RBFOX1: variants seen among roughly 807,000 people sequenced by gnomAD.
RBFOX1 encodes the protein RNA binding fox-1 homolog 1, also known as RNA binding protein fox-1 homolog 1.
RBFOX1 carries 8 observed loss-of-function variants against 57.7 expected under a neutral mutation model. That is an observed-to-expected ratio of 0.14 (90% CI 0.08 to 0.25). The LOEUF is 0.25. RBFOX1 is among the 10% of genes least tolerant of loss of function. RBFOX1 has a pLI of 1.00. For missense variants in RBFOX1, 611 were observed against 548.5 expected, an observed-to-expected ratio of 1.11 and a Z score of -1.14; for synonymous variants, 326 against 222.4, an observed-to-expected ratio of 1.47 and a Z score of -4.15.
chr16:6,482,256 C>A (rs1250098491), intron 2 of RBFOX1, among the ~76,000 whole-genome samples: 2 of 152,138 alleles, frequency 1.3e-5, no homozygotes, highest in Non-Finnish European at 2.9e-5. Flanking sequence ...TAGATCCTTC[C>A]TGTTTAAATA....
chr16:6,864,542 TTCC>T (rs1472477856), intron 3 of RBFOX1, among the ~76,000 whole-genome samples: 2 of 145,724 alleles, frequency 1.4e-5, no homozygotes, highest in African/African-American at 2.6e-5. Context: ...TATTCTCTCC[TTCC>T]TCTTTTTTTT....
At chr16:6,819,300 G>T (rs2090794511) in intron 3 of RBFOX1, among the ~76,000 whole-genome samples, 1 of 152,150 alleles carries the variant, frequency 6.6e-6, no homozygotes, top group South Asian at 2.1e-4. Flanking sequence ...TACATAGCAG[G>T]TGCTCACTTA....
At chr16:7,629,412 G>T (rs574775579) in intron 10 of RBFOX1, among the ~76,000 whole-genome samples, 1 of 152,134 alleles carries the variant, frequency 6.6e-6, no homozygotes, top group East Asian at 1.9e-4. Context: ...TGTTCTGCGG[G>T]TGCACTTGTA....
chr16:6,032,658 C>T (rs180685024), intron 1 of RBFOX1, among the ~76,000 whole-genome samples: 1 of 152,010 alleles, frequency 6.6e-6, no homozygotes, highest in African/African-American at 2.4e-5. Context: ...GTGCCCTTGC[C>T]ATTTGATTTT....
intron 4 of RBFOX1, among the ~76,000 whole-genome samples, chr16:7,380,445 T>C (rs1009012689): frequency 6.6e-6 from 1 of 152,238 alleles, no homozygotes; most frequent in African/African-American, 2.4e-5. Flanking sequence ...AAAAATAGTG[T>C]ACAGGCTTTT....
chr16:6,231,239 G>GGT (rs1555566197), intron 1 of RBFOX1, among the ~76,000 whole-genome samples: 4,301 of 149,298 alleles, frequency 0.029, 199 homozygotes, highest in African/African-American at 0.096. Flanking sequence ...TGTGTGTGTA[G>GGT]GTGTGTGTGT....
intron 1 of RBFOX1, among the ~76,000 whole-genome samples, chr16:6,191,066 A>G (rs1009836434): frequency 3.3e-5 from 5 of 151,058 alleles, no homozygotes; most frequent in Non-Finnish European, 7.4e-5. Context: ...GCTTTCTGTC[A>G]TTAATCAGTC....
Position 5,747,822 on chromosome 16 carries a change from C to T in RBFOX1, c.319-119481C>T, listed in dbSNP as rs187982077. Among the ~76,000 whole-genome samples the T allele has an allele frequency of 2.6e-3, 392 of 152,208 alleles. 4 individuals are homozygous for T. The highest frequency in any genetic ancestry group is 8.9e-3 in the African/African-American group (370 of 41,508). On this transcript the variant is annotated intron_variant, in intron 3 of 19. Transcript: ENST00000641259. Reference sequence around the variant, plus strand: ...TCAATTTTGTTGATCTTTCAGAAAACCAGCTCCTGGATTCCTTGATTTTTT... The same window carrying T: ...TCAATTTTGTTGATCTTTCAGAAAATCAGCTCCTGGATTCCTTGATTTTTT...
At chr16:5,600,710 A>T (rs555166917), downstream of RBFOX1, among the ~76,000 whole-genome samples, 5 of 152,044 alleles carry the variant, frequency 3.3e-5, no homozygotes, top group Admixed American at 3.3e-4. Context: ...CTGGATTTTT[A>T]TAATAAACCT....
At chr16:7,615,193 C>T (rs1400014950) in intron 10 of RBFOX1, among the ~76,000 whole-genome samples, 7 of 152,120 alleles carry the variant, frequency 4.6e-5, no homozygotes, top group South Asian at 2.1e-4. Flanking sequence ...AGTATCTGGG[C>T]GTGGTGGCGG....
At chr16:5,389,154 G>A (rs994400399) in intron 1 of RBFOX1, among the ~76,000 whole-genome samples, 15 of 151,668 alleles carry the variant, frequency 9.9e-5, no homozygotes, top group Admixed American at 2.0e-4. Flanking sequence ...TCGCGCCACT[G>A]CACTCCAGCC....
At chr16:7,510,075 C>T (rs2074589202) in intron 4 of RBFOX1, 2 of 906,466 alleles carry the variant, frequency 2.2e-6, no homozygotes, top group Non-Finnish European at 2.6e-6. Context: ...ATGGGCCAGG[C>T]CTTCCTGGCA....
chr16:6,526,115 G>C (rs2096574146), intron 2 of RBFOX1, among the ~76,000 whole-genome samples: 2 of 152,178 alleles, frequency 1.3e-5, no homozygotes, highest in South Asian at 4.1e-4. Context: ...GATAAAGTGA[G>C]TCATGGAATC....
At chr16:7,539,200 C>T (rs2082266923) in intron 5 of RBFOX1, among the ~76,000 whole-genome samples, 2 of 152,018 alleles carry the variant, frequency 1.3e-5, no homozygotes, top group Non-Finnish European at 2.9e-5. Context: ...TTGAAGAAAA[C>T]ACATATTAGG....
chr16:5,513,022 C>G (rs1272327573), intron 2 of RBFOX1, among the ~76,000 whole-genome samples: 2 of 152,198 alleles, frequency 1.3e-5, no homozygotes, highest in African/African-American at 4.8e-5. Context: ...CTCAAACGAT[C>G]CTTCCACCTC....
intron 3 of RBFOX1, among the ~76,000 whole-genome samples, chr16:6,807,242 G>A (rs952355929): frequency 7.2e-5 from 11 of 152,220 alleles, no homozygotes; most frequent in African/African-American, 2.2e-4. Context: ...GACAGCTGAT[G>A]CCCTCTTAAA....
chr16:5,869,612 G>C (rs1475799478), intron 4 of RBFOX1, among the ~76,000 whole-genome samples: 1 of 152,114 alleles, frequency 6.6e-6, no homozygotes, highest in Non-Finnish European at 1.5e-5. Context: ...ATGTTGGCCA[G>C]GATGGTCTCT....
At chr16:5,420,508 G>T (rs572352177) in intron 1 of RBFOX1, among the ~76,000 whole-genome samples, 1 of 151,778 alleles carries the variant, frequency 6.6e-6, no homozygotes, top group Non-Finnish European at 1.5e-5. Flanking sequence ...TTTTTTTGTT[G>T]TTTGTTTTTT....
intron 3 of RBFOX1, among the ~76,000 whole-genome samples, chr16:6,746,863 A>C (rs959116351): frequency 7.9e-5 from 12 of 152,256 alleles, no homozygotes; most frequent in African/African-American, 2.4e-4. Flanking sequence ...TAACAACTCA[A>C]ATGTTGATGT....
Sources: allele counts gnomAD v4.1 joint callset (sites outside exome capture counted in the v4.1 genomes callset), GRCh38; gene constraint gnomAD v4.1.1; transcripts MANE v1.5; gene names NCBI Gene and HGNC (gene_info 2026-07-23, HGNC 2026-07-21).